The following CNTN4 variants were observed in gnomAD, a reference collection of about 807,000 sequenced individuals.
CNTN4 encodes the protein contactin-4.
A neutral mutation model predicts 122.5 loss-of-function variants in CNTN4; 77 were observed. That is an observed-to-expected ratio of 0.63 (90% CI 0.52 to 0.76). The LOEUF is 0.76. Ranked by LOEUF, CNTN4 falls within the 30% of genes least tolerant of loss-of-function variation. The pLI, the probability that CNTN4 is intolerant of heterozygous loss-of-function variation, is 0.00. For missense variants in CNTN4, 1,256 were observed against 1,259.1 expected (o/e 1.00, Z 0.04); for synonymous variants, 512 against 447.0 (o/e 1.15, Z -1.83).
intron 3 of CNTN4, among the ~76,000 whole-genome samples, chr3:2,462,454 T>C (rs1258362782): frequency 6.6e-6 from 1 of 152,180 alleles, no homozygotes; most frequent in Non-Finnish European, 1.5e-5. Context: ...TGATGACTAG[T>C]GGTGATGATT....
At chr3:2,954,539 G>A (rs977751371) in intron 13 of CNTN4, among the ~76,000 whole-genome samples, 7 of 151,554 alleles carry the variant, frequency 4.6e-5, no homozygotes, top group East Asian at 3.9e-4. Context: ...AATCCTTCTC[G>A]GTGGTTCAGA....
intron 10 of CNTN4, among the ~76,000 whole-genome samples, chr3:2,889,455 G>T (rs1287925228): frequency 6.6e-6 from 1 of 152,174 alleles, no homozygotes; most frequent in Non-Finnish European, 1.5e-5. Context: ...GGGTTGTAAA[G>T]CAAAAGACAC....
At chr3:2,550,173 A>C (rs928735039) in intron 3 of CNTN4, among the ~76,000 whole-genome samples, 1 of 152,062 alleles carries the variant, frequency 6.6e-6, no homozygotes, top group African/African-American at 2.4e-5. Flanking sequence ...TGATTTTTTG[A>C]AGGGTTTTTC....
chr3:2,309,740 GT>G (rs2042846753), intron 2 of CNTN4, among the ~76,000 whole-genome samples: 1 of 152,084 alleles, frequency 6.6e-6, no homozygotes, highest in African/African-American at 2.4e-5. Context: ...AACTAATAGA[GT>G]TTTTAAAAAA....
intron 13 of CNTN4, among the ~76,000 whole-genome samples, chr3:2,950,981 T>C (rs982933131): frequency 2.6e-5 from 4 of 152,226 alleles, no homozygotes; most frequent in Admixed American, 2.6e-4. Flanking sequence ...ATGAATGAAT[T>C]CACTAGCTGT....
chr3:2,862,370 G>C (rs752845805), intron 7 of CNTN4, among the ~76,000 whole-genome samples: 1 of 152,166 alleles, frequency 6.6e-6, no homozygotes, highest in Non-Finnish European at 1.5e-5. Context: ...ATCATTTGTT[G>C]TTGGCTTAGA....
At chr3:2,233,547 G>T (rs1204873708) in intron 2 of CNTN4, among the ~76,000 whole-genome samples, 2 of 152,086 alleles carry the variant, frequency 1.3e-5, no homozygotes, top group Non-Finnish European at 2.9e-5. Context: ...TTTATGTAAG[G>T]ATTATTTCCA....
chr3:2,127,339 G>A (rs1169895816), intron 2 of CNTN4, among the ~76,000 whole-genome samples: 2 of 152,042 alleles, frequency 1.3e-5, no homozygotes, highest in Non-Finnish European at 2.9e-5. Flanking sequence ...AGCCTAGTGG[G>A]TGCCGCTCCT....
In CNTN4 at chr3:2,185,469, G is replaced by A. The variant is rs140305742; in HGVS notation, c.-145+84830G>A. On this transcript the variant is annotated intron_variant, in intron 2 of 24. Transcript: ENST00000418658. ...TTTCAGGAGGGTCTGAAACTTAGGGGATTCGAGCTCTTGCTACCCCAGGGC... is the reference window on the plus strand; with the variant it reads ...TTTCAGGAGGGTCTGAAACTTAGGGAATTCGAGCTCTTGCTACCCCAGGGC... Among the ~76,000 whole-genome samples the A allele has an allele frequency of 5.1e-4, 78 of 152,196 alleles. 1 individual carries two copies. The highest frequency in any genetic ancestry group is 1.7e-3 in the African/African-American group (70 of 41,516).
chr3:2,315,405 T>C (rs1032358049), intron 2 of CNTN4, among the ~76,000 whole-genome samples: 1 of 152,078 alleles, frequency 6.6e-6, no homozygotes, highest in Admixed American at 6.6e-5. Flanking sequence ...GATGCTGTTA[T>C]CTGAAGTAAA....
intron 6 of CNTN4, among the ~76,000 whole-genome samples, chr3:2,791,304 G>A (rs1427896435): frequency 6.6e-6 from 1 of 152,152 alleles, no homozygotes; most frequent in African/African-American, 2.4e-5. Context: ...AGCCAAGGCG[G>A]GCTGATCACT....
In CNTN4 at chr3:2,587,655, C is replaced by G. The variant is rs191551305; in HGVS notation, c.55+16097C>G. 3.3e-5 allele frequency among the ~76,000 whole-genome samples: 5 copies of G among 152,154 alleles called. No homozygotes were observed. The East Asian group carries it at 9.7e-4, about 29-fold the overall frequency. ...TCCCTTATGATTTCAGCTATGCGCT[C>G]GATTCAGTTGAATTTAAGAAGATTA... is the stretch of plus-strand genomic sequence containing the variant. On this transcript the variant is annotated intron_variant, in intron 4 of 24. Coordinates refer to ENST00000418658, the MANE Select transcript of CNTN4 (RefSeq NM_175607.3).
intron 3 of CNTN4, among the ~76,000 whole-genome samples, chr3:2,369,845 C>T (rs932678809): frequency 6.6e-6 from 1 of 152,116 alleles, no homozygotes; most frequent in African/African-American, 2.4e-5. Context: ...CTTTTATCCA[C>T]CCTGATAGAG....
chr3:2,901,109 G>A (rs1178502682), intron 11 of CNTN4, among the ~76,000 whole-genome samples: 1 of 152,160 alleles, frequency 6.6e-6, no homozygotes, highest in Non-Finnish European at 1.5e-5. Flanking sequence ...ATGAAATTGT[G>A]CTAAGATACA....
intron 4 of CNTN4, among the ~76,000 whole-genome samples, chr3:2,594,829 T>G (rs1025149829): frequency 1.3e-5 from 2 of 152,186 alleles, no homozygotes; most frequent in Non-Finnish European, 2.9e-5. Context: ...TGTATATGTT[T>G]GCATTTAGAG....
At chr3:2,682,796 C>G (rs2085232167) in intron 4 of CNTN4, among the ~76,000 whole-genome samples, 2 of 152,128 alleles carry the variant, frequency 1.3e-5, no homozygotes, top group Admixed American at 1.3e-4. Context: ...AGTGGCCTGC[C>G]TTTTAGCTAT....
chr3:3,048,214 G>C (rs1369828189), intron 23 of CNTN4, among the ~76,000 whole-genome samples: 1 of 146,986 alleles, frequency 6.8e-6, no homozygotes, highest in Non-Finnish European at 1.5e-5. Flanking sequence ...TCTCAAATGT[G>C]GATCAAAAAT....
At chr3:2,698,349 C>T (rs982722582) in intron 4 of CNTN4, among the ~76,000 whole-genome samples, 1 of 152,220 alleles carries the variant, frequency 6.6e-6, no homozygotes, top group African/African-American at 2.4e-5. Context: ...TCTGATTAAG[C>T]CTGTGTTGTA....
intron 4 of CNTN4, among the ~76,000 whole-genome samples, chr3:2,664,586 A>G (rs2084058050): frequency 6.6e-6 from 1 of 152,190 alleles, no homozygotes; most frequent in Non-Finnish European, 1.5e-5. Context: ...TATAGTCAAT[A>G]TCTAGACTTT....
Sources: allele counts gnomAD v4.1 joint callset (sites outside exome capture counted in the v4.1 genomes callset), GRCh38; gene constraint gnomAD v4.1.1; transcripts MANE v1.5; gene names NCBI Gene and HGNC (gene_info 2026-07-23, HGNC 2026-07-21).